The following BMPR1B variants were observed in gnomAD, a reference collection of about 807,000 sequenced individuals.
The protein encoded by BMPR1B is bone morphogenetic protein receptor type-1B.
In BMPR1B, 12 loss-of-function variants were observed where a neutral mutation model predicts 59.1. The ratio of observed to expected loss-of-function variants is 0.20; its 90% CI spans 0.13 to 0.33. The LOEUF is 0.33. Among genes scored for constraint, BMPR1B ranks in the 10% least tolerant of loss-of-function variants. The pLI is 1.00. For synonymous variants in BMPR1B, 237 were observed against 207.3 expected, an observed-to-expected ratio of 1.14 and a Z score of -1.23; for missense variants, 550 against 610.9, an observed-to-expected ratio of 0.90 and a Z score of 1.05.
At chr4:94,842,454 T>G (rs1162217748) in intron 1 of BMPR1B, among the ~76,000 whole-genome samples, 6 of 152,190 alleles carry the variant, frequency 3.9e-5, no homozygotes, top group African/African-American at 1.4e-4. Context: ...ATTTTCCACT[T>G]TAAAGGTAAG....
At chr4:94,914,208 AG>A (rs1343596122) in intron 2 of BMPR1B, among the ~76,000 whole-genome samples, 1 of 152,154 alleles carries the variant, frequency 6.6e-6, no homozygotes, top group Non-Finnish European at 1.5e-5. Flanking sequence ...AATGTTGTGC[AG>A]CTAGGTGGTC....
intron 3 of BMPR1B, among the ~76,000 whole-genome samples, chr4:95,088,540 T>G (rs1729757395): frequency 6.6e-6 from 1 of 152,216 alleles, no homozygotes; most frequent in African/African-American, 2.4e-5. Context: ...TATTCCAGAT[T>G]ATCTGCTATG....
chr4:94,883,080 C>A (rs1008855515), intron 2 of BMPR1B, among the ~76,000 whole-genome samples: 1 of 151,694 alleles, frequency 6.6e-6, no homozygotes, highest in African/African-American at 2.4e-5. Flanking sequence ...TACTCATCTG[C>A]CTTTGCAGGT....
At chr4:94,847,130 C>T (rs991076030) in intron 1 of BMPR1B, among the ~76,000 whole-genome samples, 2 of 152,118 alleles carry the variant, frequency 1.3e-5, no homozygotes, top group African/African-American at 4.8e-5. Flanking sequence ...GGCAGAAAAT[C>T]TGAAGAAACA....
intron 1 of BMPR1B, among the ~76,000 whole-genome samples, chr4:94,779,955 T>G (rs145034891): frequency 1.3e-5 from 2 of 152,178 alleles, no homozygotes; most frequent in Admixed American, 6.5e-5. Flanking sequence ...ATCGTAAAAG[T>G]TCCCCCCCTT....
chr4:94,849,222 A>G (rs554795573), intron 1 of BMPR1B, among the ~76,000 whole-genome samples: 1 of 152,302 alleles, frequency 6.6e-6, no homozygotes, highest in East Asian at 1.9e-4. Context: ...AGGTGTAGGG[A>G]AATCAGGAGT....
chr4:94,772,090 A>C (rs1188671246), intron 1 of BMPR1B, among the ~76,000 whole-genome samples: 2 of 152,214 alleles, frequency 1.3e-5, no homozygotes, highest in African/African-American at 4.8e-5. Flanking sequence ...ATCATCTGTA[A>C]TAGAGATATT....
At chr4:95,009,729 A>C (rs1038963668) in intron 3 of BMPR1B, among the ~76,000 whole-genome samples, 1 of 152,134 alleles carries the variant, frequency 6.6e-6, no homozygotes, top group African/African-American at 2.4e-5. Context: ...TAGTTTGGTA[A>C]GTGGCTAAAA....
At chr4:94,771,778 T>C (rs190687850) in intron 1 of BMPR1B, among the ~76,000 whole-genome samples, 343 of 152,332 alleles carry the variant, frequency 2.3e-3, no homozygotes, top group African/African-American at 7.7e-3. Context: ...AGTGACATTT[T>C]AGTGAATGTG....
intron 3 of BMPR1B, among the ~76,000 whole-genome samples, chr4:95,024,711 T>G (rs998398994): frequency 6.6e-6 from 1 of 152,074 alleles, no homozygotes; most frequent in African/African-American, 2.4e-5. Flanking sequence ...CAAAGACCAT[T>G]AAGCCAGATC....
intron 2 of BMPR1B, among the ~76,000 whole-genome samples, chr4:94,891,507 C>G (rs1727391916): frequency 6.6e-6 from 1 of 152,034 alleles, no homozygotes; most frequent in Admixed American, 6.6e-5. Context: ...TGGCTTTCAT[C>G]ATATGGTTAA....
At chr4:94,873,149 C>T (rs75113472) in intron 1 of BMPR1B, among the ~76,000 whole-genome samples, 1,767 of 152,114 alleles carry the variant, frequency 0.012, 28 homozygotes, top group African/African-American at 0.041. Flanking sequence ...CTCTCACCTC[C>T]GGTCCATATG....
intron 2 of BMPR1B, among the ~76,000 whole-genome samples, chr4:94,951,830 T>C (rs1208187207): frequency 2.6e-5 from 4 of 152,226 alleles, no homozygotes; most frequent in African/African-American, 4.8e-5. Context: ...TCAGAAGGAA[T>C]GGTACCAGCT....
At chr4:94,950,645 T>G (rs1729897057) in intron 2 of BMPR1B, among the ~76,000 whole-genome samples, 2 of 152,104 alleles carry the variant, frequency 1.3e-5, no homozygotes. Context: ...GTTCCTTTGG[T>G]CTATATATCT....
At chr4:95,137,329 C>G (rs979523240) in intron 10 of BMPR1B, among the ~76,000 whole-genome samples, 1 of 152,148 alleles carries the variant, frequency 6.6e-6, no homozygotes, top group African/African-American at 2.4e-5. Context: ...TTACTTCCAA[C>G]TATGTGGTCA....
chr4:95,068,037 C>T (rs1216264143), intron 3 of BMPR1B, among the ~76,000 whole-genome samples: 2 of 152,120 alleles, frequency 1.3e-5, no homozygotes, highest in African/African-American at 2.4e-5. Flanking sequence ...CATGGCACTG[C>T]TGGAGAACTG....
chr4:95,024,873 C>T lies in BMPR1B; in HGVS notation c.-18+28739C>T, dbSNP rs563158515. On this transcript the variant is annotated intron_variant, in intron 3 of 12. Transcript: ENST00000515059. ...ATCCCAGCACTTTGGGAGGCCGAGG[C>T]GGGCAGATCATGAGATCAAGAGATG... Among the ~76,000 whole-genome samples, 12 of 152,114 alleles carry T rather than the reference C, an allele frequency of 7.9e-5. No homozygotes were observed. The South Asian group carries it at 8.3e-4, about 11-fold the overall frequency.
intron 5 of BMPR1B, among the ~76,000 whole-genome samples, 160 bp downstream of exon 5, chr4:95,114,982 A>G (rs536598248): frequency 3.3e-5 from 5 of 152,308 alleles, no homozygotes; most frequent in African/African-American, 7.2e-5. Context: ...GTATGATGAC[A>G]GTGGATGGTG....
At chr4:95,020,306 G>A (rs565507700) in intron 3 of BMPR1B, among the ~76,000 whole-genome samples, 17 of 152,274 alleles carry the variant, frequency 1.1e-4, no homozygotes, top group Admixed American at 3.9e-4. Context: ...TCAACTGGGC[G>A]CAGTGGCTTA....
Sources: gnomAD v4.1 joint callset for allele counts (sites outside exome capture counted in the v4.1 genomes callset) on GRCh38, gnomAD v4.1.1 for gene constraint, MANE v1.5 for transcripts, NCBI Gene and HGNC (gene_info 2026-07-23, HGNC 2026-07-21) for gene names.